SCYL3: variants seen among roughly 807,000 people sequenced by gnomAD.
The protein encoded by SCYL3 is protein-associating with the carboxyl-terminal domain of ezrin.
In SCYL3, 35 loss-of-function variants were observed where a neutral mutation model predicts 73.8. The ratio of observed to expected loss-of-function variants is 0.47; its 90% CI spans 0.36 to 0.63. The LOEUF (loss-of-function observed/expected upper bound fraction) is 0.63, where lower values mean the gene tolerates loss of function less well. SCYL3 is among the 20% of genes least tolerant of loss of function. The pLI, the probability that SCYL3 is intolerant of heterozygous loss-of-function variation, is 0.00. For synonymous variants in SCYL3, 277 were observed against 295.2 expected, an observed-to-expected ratio of 0.94 and a Z score of 0.63; for missense variants, 712 against 798.9, an observed-to-expected ratio of 0.89 and a Z score of 1.31.
intron 5 of SCYL3, among the ~76,000 whole-genome samples, chr1:169,870,993 T>C (rs777674346): frequency 6.6e-6 from 1 of 152,230 alleles, no homozygotes; most frequent in Admixed American, 6.5e-5. Flanking sequence ...AGAAGGAGCA[T>C]CTGCTTTTGA....
intron 10 of SCYL3, among the ~76,000 whole-genome samples, chr1:169,861,022 C>G (rs1282580270): frequency 1.3e-5 from 2 of 152,212 alleles, no homozygotes; most frequent in Non-Finnish European, 2.9e-5. Flanking sequence ...ATTCTGAGAC[C>G]TATGATGACA....
chr1:169,861,299 TAAG>T (rs1272140273), intron 10 of SCYL3, among the ~76,000 whole-genome samples: 2 of 152,190 alleles, frequency 1.3e-5, no homozygotes, highest in Non-Finnish European at 2.9e-5. Context: ...ACCTACACTT[TAAG>T]AAGGCTTCTT....
rs375257659 is a variant in SCYL3 at position 169,849,651 on chromosome 1, T to C, written c.*4062A>G. 2.3e-4 allele frequency: 320 copies of C among 1,397,000 alleles called. No homozygotes were observed. The highest frequency in any genetic ancestry group is 4.5e-5 in the Non-Finnish European group (44 of 988,168). 86.5% of individuals were successfully genotyped at this position (1,397,000 alleles called of 1,614,324 possible). On this transcript the variant is annotated 3_prime_UTR_variant, in exon 13 of 13. Transcript: ENST00000367771. ...CACAGTGACTTTCAAACCATTTTAA[T>C]ATTTCAAATATTCCAGAACAATCCC...
At chr1:169,877,486 T>C (rs1293894153) in intron 3 of SCYL3, among the ~76,000 whole-genome samples, 1 of 152,178 alleles carries the variant, frequency 6.6e-6, no homozygotes, top group Non-Finnish European at 1.5e-5. Context: ...TTCTACCCAA[T>C]ACATCAAATG....
chr1:169,869,472 G>T (rs1660248579), intron 6 of SCYL3, among the ~76,000 whole-genome samples: 1 of 152,182 alleles, frequency 6.6e-6, no homozygotes, highest in African/African-American at 2.4e-5. Flanking sequence ...TATACACAAT[G>T]GATGCCTTTG....
Position 169,854,914 on chromosome 1 carries a change from C to A in SCYL3, c.1363G>T (p.Val455Leu). ...IKFPINGLSD[V>L]KNTSEDSENF... ...TCACTGTCCTCCGAAGTATTTTTTA[C>A]ATCTGAGAGTCCATTTATGGGAAAT... The change falls in exon 12 of 13, where the codon GTA becomes TTA. Residue 455 changes from valine (V) to leucine (L), a missense_variant. Val to Leu is a conservative substitution (Grantham distance 32). Transcript: ENST00000367771. 1 of 1,613,060 alleles carries A rather than the reference C, an allele frequency of 6.2e-7. No homozygotes were observed. The highest frequency in any genetic ancestry group is 8.5e-7 in the Non-Finnish European group (1 of 1,179,598).
At chr1:169,862,401 T>C (rs962009952) in intron 10 of SCYL3, among the ~76,000 whole-genome samples, 3 of 152,242 alleles carry the variant, frequency 2.0e-5, no homozygotes, top group Non-Finnish European at 2.9e-5. Context: ...CAAACAATTA[T>C]AGTTTCTCCC....
chr1:169,855,048 A>G (rs1401266377), intron 11 of SCYL3, 84 bp from the exon 12 acceptor site: 2 of 972,382 alleles, frequency 2.1e-6, no homozygotes, highest in Admixed American at 2.7e-5. Context: ...AAGGAAGTGT[A>G]GTAGTATAGG....
intron 5 of SCYL3, 82 bp downstream of exon 5, chr1:169,873,614 A>G: frequency 1.2e-6 from 1 of 842,712 alleles, no homozygotes; most frequent in South Asian, 1.6e-5. Flanking sequence ...TAAAGAAAGG[A>G]GTAAGCAGAG....
Position 169,852,977 on chromosome 1 carries a change from C to T in SCYL3, c.*736G>A. 1 of 1,613,864 alleles carries T rather than the reference C, an allele frequency of 6.2e-7. No individual in the cohort carries two copies. Among genetic ancestry groups the T allele is most frequent in the Non-Finnish European group, 8.5e-7 (1 of 1,179,872 alleles). On this transcript the variant is annotated 3_prime_UTR_variant, in exon 13 of 13. Coordinates refer to ENST00000367771, the MANE Select transcript of SCYL3 (RefSeq NM_020423.7). ...GATAAGCTAAAACGTTACATACATA[C>T]TCTAGGGTGAAACTTATCACTAGGC... is the stretch of plus-strand genomic sequence containing the variant.
intron 1 of SCYL3, among the ~76,000 whole-genome samples, chr1:169,892,491 A>C (rs1040774177): frequency 1.3e-5 from 2 of 152,252 alleles, no homozygotes; most frequent in African/African-American, 2.4e-5. Context: ...TTGGCCTTCC[A>C]AAATGCTTTC....
intron 2 of SCYL3, 104 bp from the exon 3 acceptor site, chr1:169,878,923 G>A: frequency 2.2e-6 from 2 of 926,544 alleles, no homozygotes; most frequent in Admixed American, 5.3e-5. Context: ...TGCAGTTAAG[G>A]CTCTTTTGAG....
At position 169,850,980 on chromosome 1, in the gene SCYL3, C is replaced by CTTTTTTTTTTTTTTTTTTT; in HGVS notation, c.*2714_*2732dup. On this transcript the variant is annotated 3_prime_UTR_variant, in exon 13 of 13. Transcript: ENST00000367771. ...TATTTTGGGTATAATTTAGGCATGG[C>CTTTTTTTTTTTTTTTTTTT]TTTTTTTTTTTTTTTTTTTTTTTTT... 2 of 31,580 alleles carry CTTTTTTTTTTTTTTTTTTT rather than the reference C, an allele frequency of 6.3e-5. No individual in the cohort carries two copies. Among genetic ancestry groups the CTTTTTTTTTTTTTTTTTTT allele is most frequent in the South Asian group, 1.3e-3 (1 of 780 alleles). The allele number at this position is 31,580 out of a possible 1,614,324, so 2.0% of individuals were successfully genotyped here.
intron 9 of SCYL3, among the ~76,000 whole-genome samples, chr1:169,863,760 T>G (rs949609731): frequency 1.3e-5 from 2 of 152,164 alleles, no homozygotes; most frequent in African/African-American, 4.8e-5. Context: ...AAAGTAGAGA[T>G]ATAAGGAAAT....
chr1:169,870,557 T>A (rs949094279), intron 5 of SCYL3, among the ~76,000 whole-genome samples, 200 bp from the exon 6 acceptor site: 6 of 152,192 alleles, frequency 3.9e-5, no homozygotes, highest in African/African-American at 1.4e-4. Context: ...TGAGCAAAAA[T>A]TTTTAAAAAG....
rs928396596 is a variant in SCYL3 at position 169,853,040 on chromosome 1, A to T, written c.*673T>A. 1.3e-5 allele frequency: 20 copies of T among 1,550,958 alleles called. No individual in the cohort carries two copies. Among genetic ancestry groups the T allele is most frequent in the Admixed American group, 1.7e-5 (1 of 57,938 alleles). On this transcript the variant is annotated 3_prime_UTR_variant, in exon 13 of 13. Transcript: ENST00000367771. ...GATGCTTTGTCAACTGAAAATACTT[A>T]TGTCTGTACATTTTCTAACAGATAT...
chr1:169,881,438 T>C (rs1488257317), intron 2 of SCYL3, among the ~76,000 whole-genome samples: 2 of 152,236 alleles, frequency 1.3e-5, no homozygotes, highest in South Asian at 2.1e-4. Context: ...CTAGAAACAT[T>C]AGAATTAGTC....
chr1:169,884,320 A>ATC (rs923674181), intron 2 of SCYL3, among the ~76,000 whole-genome samples: 1 of 152,092 alleles, frequency 6.6e-6, no homozygotes, highest in African/African-American at 2.4e-5. Flanking sequence ...TTTTTGAGAC[A>ATC]GAGTGTCGCT....
rs1296268794 is a variant in SCYL3, at chr1:169,853,704, C to A, written c.*9G>T. On this transcript the variant is annotated 3_prime_UTR_variant, in exon 13 of 13. Coordinates refer to ENST00000367771, the MANE Select transcript of SCYL3 (RefSeq NM_020423.7). The stretch of plus-strand genomic sequence containing the variant: ...ATCCTTTTTCCTAAAGTTTAACTCA[C>A]ATCTATTGTCACCAGTTATTATCTT... 4 of 1,612,986 alleles carry A rather than the reference C, an allele frequency of 2.5e-6. No individual in the cohort carries two copies. The Admixed American group carries it at 6.7e-5, about 27-fold the overall frequency.
Sources: allele counts gnomAD v4.1 joint callset (sites outside exome capture counted in the v4.1 genomes callset), GRCh38; gene constraint gnomAD v4.1.1; transcripts MANE v1.5; gene names NCBI Gene and HGNC (gene_info 2026-07-23, HGNC 2026-07-21).